Variants in MS4A14 observed in about 807,000 individuals in gnomAD.
MS4A14 encodes the protein membrane spanning 4-domains A14, also known as membrane-spanning 4-domains subfamily A member 14.
A neutral mutation model predicts 16.7 loss-of-function variants in MS4A14; 18 were observed. The ratio of observed to expected loss-of-function variants is 1.08; its 90% CI spans 0.75 to 1.60. MS4A14 has a LOEUF of 1.60. Ranked by LOEUF, MS4A14 falls within the 40% of genes most tolerant of loss-of-function variation. The pLI, the probability that MS4A14 is intolerant of heterozygous loss-of-function variation, is 0.00. For missense variants in MS4A14, 812 were observed against 775.3 expected (o/e 1.05, Z -0.56); for synonymous variants, 305 against 289.4 (o/e 1.05, Z -0.55).
intron 2 of MS4A14, 63 bp downstream of exon 2, chr11:60,398,043 C>T (rs563190753): frequency 6.4e-6 from 10 of 1,564,766 alleles, no homozygotes; most frequent in Middle Eastern, 1.7e-4. Flanking sequence ...AACTGCTTCA[C>T]GTCCTAGGGT....
chr11:60,401,610 T>G (rs2085714402), intron 3 of MS4A14, among the ~76,000 whole-genome samples: 1 of 152,202 alleles, frequency 6.6e-6, no homozygotes, highest in Admixed American at 6.5e-5. Context: ...ACTTCCTTAA[T>G]TCCATTTATC....
Position 60,396,680 on chromosome 11 carries a change from G to A in MS4A14, c.102G>A (p.Leu34=), listed in dbSNP as rs1193285826. 1.2e-6 allele frequency: 2 copies of A among 1,613,950 alleles called. No individual in the cohort carries two copies. The highest frequency in any genetic ancestry group is 3.3e-5 in the Admixed American group (2 of 60,006). Residue 34 remains leucine, a synonymous_variant, in exon 1 of 5, where the codon CTG becomes CTA. Transcript: ENST00000300187. ...TAFPYRPHSS[L]LDFLKGEPRV... is the part of the protein sequence containing the mutation. ...TTCCCTACAGACCTCATAGCTCTCT[G>A]CTGGATTTTCTGAAGGGAGAGCCAA...
rs759145133 is a variant in MS4A14 at position 60,417,044 on chromosome 11, G to C, written c.*36G>C. 4.8e-5 allele frequency: 76 copies of C among 1,572,210 alleles called. No individual in the cohort carries two copies. The highest frequency in any genetic ancestry group is 6.3e-5 in the Non-Finnish European group (73 of 1,162,896). The stretch of plus-strand genomic sequence containing the variant: ...GAGAAACAAAGATTATAAAGCACGA[G>C]AATGGCAATTTGAAATGAAGCACTG... On this transcript the variant is annotated 3_prime_UTR_variant, in exon 5 of 5. Coordinates refer to ENST00000300187, the MANE Select transcript of MS4A14 (RefSeq NM_032597.5).
Position 60,408,744 on chromosome 11 carries a change from G to A in MS4A14, c.468+5683G>A, listed in dbSNP as rs147013008. ...GATATTTCTGCCTTTTGCATATTGT[G>A]AATAATGCTGTTACGAACATTGGTG... On this transcript the variant is annotated intron_variant, in intron 4 of 4. Coordinates refer to ENST00000300187, the MANE Select transcript of MS4A14 (RefSeq NM_032597.5). Among the ~76,000 whole-genome samples the A allele has an allele frequency of 3.0e-3, 455 of 152,210 alleles. 1 individual carries two copies. The highest frequency in any genetic ancestry group is 9.9e-3 in the African/African-American group (413 of 41,520).
chr11:60,400,392 T>C lies in MS4A14; in HGVS notation c.268-12T>C. ...ATCACCTGTTAACTTTTGTCTCTTG[T>C]CTTCTTAACAGTTTATTCTTACAGG... On this transcript the variant is annotated splice_polypyrimidine_tract_variant and intron_variant, in intron 2 of 4. Coordinates refer to ENST00000300187, the MANE Select transcript of MS4A14 (RefSeq NM_032597.5). The C allele has an allele frequency of 6.3e-7, 1 of 1,583,912 alleles. No homozygotes were observed. The highest frequency in any genetic ancestry group is 8.6e-7 in the Non-Finnish European group (1 of 1,159,118).
chr11:60,416,726 T>C lies in MS4A14; in HGVS notation c.1758T>C (p.Val586=), dbSNP rs1565181914. 1 of 1,613,582 alleles carries C rather than the reference T, an allele frequency of 6.2e-7. No homozygotes were observed. ...AAGGACAATCTAAAGATGGACAAGT[T>C]AAAGACCAGCAGACTGATAAGGAGC... is the stretch of plus-strand genomic sequence containing the variant. ...YPEGQSKDGQ[V]KDQQTDKEQN... Residue 586 remains valine (V), a synonymous_variant, in exon 5 of 5, where the codon GTT becomes GTC. Transcript: ENST00000300187.
At chr11:60,398,098 G>C (rs2085656999) in intron 2 of MS4A14, 118 bp downstream of exon 2, 4 of 1,089,012 alleles carry the variant, frequency 3.7e-6, no homozygotes. Flanking sequence ...AAAAAAGGCA[G>C]CTCCCTTCAC....
At chr11:60,403,220 A>G in intron 4 of MS4A14, 159 bp downstream of exon 4, 1 of 735,886 alleles carries the variant, frequency 1.4e-6, no homozygotes. Context: ...ACAATGGTTA[A>G]GGAGCGATAT....
At chr11:60,406,399 T>C (rs1468402423) in intron 4 of MS4A14, among the ~76,000 whole-genome samples, 2 of 152,248 alleles carry the variant, frequency 1.3e-5, no homozygotes, top group Non-Finnish European at 2.9e-5. Context: ...ACATAGTATT[T>C]ATAATAATTG....
intron 4 of MS4A14, among the ~76,000 whole-genome samples, chr11:60,408,730 C>G (rs1350965820): frequency 6.6e-6 from 1 of 152,086 alleles, no homozygotes; most frequent in Non-Finnish European, 1.5e-5. Flanking sequence ...ATATTTCTGC[C>G]TTTTGCATAT....
Position 60,400,443 on chromosome 11 carries a change from T to C in MS4A14, c.307T>C (p.Ser103Pro). The change falls in exon 3 of 5, where the codon TCA becomes CCA. Residue 103 changes from serine (S) to proline (P), a missense_variant. Ser to Pro is a moderately conservative substitution (Grantham distance 74, BLOSUM62 -1). Coordinates refer to ENST00000300187, the MANE Select transcript of MS4A14 (RefSeq NM_032597.5). Reference protein sequence around the residue: ...TGYLTVTDKKSKLLGQGVTGM... With the variant: ...TGYLTVTDKKPKLLGQGVTGM... ...ATACCTCACAGTAACCGATAAGAAA[T>C]CAAAACTTCTGGTAAGCCACTTAAA... 6.2e-7 allele frequency: 1 copy of C among 1,606,430 alleles called. No homozygotes were observed. Among genetic ancestry groups the C allele is most frequent in the Non-Finnish European group, 8.5e-7 (1 of 1,174,210 alleles).
intron 4 of MS4A14, among the ~76,000 whole-genome samples, chr11:60,403,594 T>C (rs1388287647): frequency 2.0e-5 from 3 of 152,236 alleles, no homozygotes; most frequent in Non-Finnish European, 2.9e-5. Flanking sequence ...TTTCACATAA[T>C]TGTGGCAATT....
At position 60,416,086 on chromosome 11, in the gene MS4A14, A is replaced by G; in HGVS notation, c.1118A>G (p.His373Arg). 1 of 1,610,510 alleles carries G rather than the reference A, an allele frequency of 6.2e-7. No homozygotes were observed. The highest frequency in any genetic ancestry group is 1.7e-4 in the Middle Eastern group (1 of 6,060). The change falls in exon 5 of 5, where the codon CAT becomes CGT. Residue 373 changes from histidine to arginine, a missense_variant. His to Arg is a conservative substitution (Grantham distance 29). Transcript: ENST00000300187. ...QDTSSQDMLF[H>R]DMTSQDMQSL... ...ACATCATCTCAAGATATGCTGTTTC[A>G]TGACATGACATCCCAAGATATGCAA...
At chr11:60,400,545 C>A in intron 3 of MS4A14, 91 bp downstream of exon 3, 1 of 898,792 alleles carries the variant, frequency 1.1e-6, no homozygotes, top group Non-Finnish European at 1.7e-6. Flanking sequence ...AGTTACCTTT[C>A]AGGAAAATCT....
At chr11:60,403,104 C>A in intron 4 of MS4A14, 43 bp downstream of exon 4, 1 of 1,578,908 alleles carries the variant, frequency 6.3e-7, no homozygotes, top group South Asian at 1.1e-5. Flanking sequence ...AAAATCTTCT[C>A]TGAACTGTGT....
Position 60,402,971 on chromosome 11 carries a change from T to C in MS4A14, c.378T>C (p.Thr126=), listed in dbSNP as rs756411699. 4 of 1,613,912 alleles carry C rather than the reference T, an allele frequency of 2.5e-6. No individual in the cohort carries two copies. Among genetic ancestry groups the C allele is most frequent in the Non-Finnish European group, 3.4e-6 (4 of 1,179,830 alleles). ...CCTTGGTTGCGATAACTGGGATTACTTTCACCATTCTCAGCTACAGACATC... is the reference window on the plus strand; with the variant it reads ...CCTTGGTTGCGATAACTGGGATTACCTTCACCATTCTCAGCTACAGACATC... ...ISSLVAITGI[T]FTILSYRHQD... The change falls in exon 4 of 5, where the codon ACT becomes ACC. Residue 126 remains threonine (T), a synonymous_variant. Transcript: ENST00000300187.
Position 60,416,968 on chromosome 11 carries a change from G to T in MS4A14, c.2000G>T (p.Arg667Met). 2 of 1,613,278 alleles carry T rather than the reference G, an allele frequency of 1.2e-6. No individual in the cohort carries two copies. The highest frequency in any genetic ancestry group is 1.7e-6 in the Non-Finnish European group (2 of 1,179,548). Residue 667 changes from arginine (R) to methionine (M), a missense_variant, in exon 5 of 5, where the codon AGG becomes ATG. By Grantham distance (91) the Arg-to-Met change is moderately conservative. Coordinates refer to ENST00000300187, the MANE Select transcript of MS4A14 (RefSeq NM_032597.5). ...GGCAATCTCCAGGCTGGACAACCCA[G>T]GACTGTCAATCTTTTGGCCAAGAAT... is the stretch of plus-strand genomic sequence containing the variant. Reference protein sequence around the residue: ...HKGNLQAGQPRTVNLLAKNPL... With the variant: ...HKGNLQAGQPMTVNLLAKNPL...
At chr11:60,400,558 A>G (rs943055290) in intron 3 of MS4A14, 104 bp downstream of exon 3, 12 of 735,394 alleles carry the variant, frequency 1.6e-5, no homozygotes, top group Middle Eastern at 7.6e-4. Context: ...GAAAATCTGT[A>G]TGCATCAAAG....
At chr11:60,401,276 T>C (rs569082373) in intron 3 of MS4A14, among the ~76,000 whole-genome samples, 5 of 152,282 alleles carry the variant, frequency 3.3e-5, no homozygotes, top group African/African-American at 9.6e-5. Context: ...GTTCTTATGG[T>C]CCTCTGCCAG....
Sources: allele counts gnomAD v4.1 joint callset (sites outside exome capture counted in the v4.1 genomes callset), GRCh38; gene constraint gnomAD v4.1.1; transcripts MANE v1.5; gene names NCBI Gene and HGNC (gene_info 2026-07-23, HGNC 2026-07-21).